The following THSD7B variants were observed in gnomAD, a reference collection of about 807,000 sequenced individuals.
THSD7B encodes thrombospondin type-1 domain-containing protein 7B.
THSD7B carries 138 observed loss-of-function variants against 213.6 expected under a neutral mutation model. The observed-to-expected ratio is 0.65, with a 90% CI of 0.56 to 0.74. The LOEUF (loss-of-function observed/expected upper bound fraction) is 0.74. Among genes scored for constraint, THSD7B ranks in the 30% least tolerant of loss-of-function variants. THSD7B has a pLI of 0.00. For missense variants in THSD7B, 1,931 were observed against 1,991.5 expected (o/e 0.97, Z 0.58); for synonymous variants, 742 against 687.0 (o/e 1.08, Z -1.25).
chr2:136,869,127 A>T lies in THSD7B; in HGVS notation c.-35-13017A>T, dbSNP rs1291703395. Among the ~76,000 whole-genome samples, 3 of 152,180 alleles carry T rather than the reference A, an allele frequency of 2.0e-5. No individual in the cohort carries two copies. The East Asian group carries it at 5.8e-4, about 29-fold the overall frequency. The stretch of plus-strand genomic sequence containing the variant: ...AAAAGTTCTCCACTTGAGTAGATTT[A>T]AAGTATAGGCAATTTAGAACTTCTT... On this transcript the variant is annotated intron_variant, in intron 1 of 27. Transcript: ENST00000409968.
intron 17 of THSD7B, among the ~76,000 whole-genome samples, chr2:137,582,478 A>ATCTC (rs1363241126): frequency 2.1e-4 from 30 of 139,962 alleles, no homozygotes; most frequent in Non-Finnish European, 4.3e-4. Flanking sequence ...TCCTAATACT[A>ATCTC]TCTCTCCTCC....
At chr2:136,782,384 C>A (rs1284887102) in intron 1 of THSD7B, among the ~76,000 whole-genome samples, 1 of 152,156 alleles carries the variant, frequency 6.6e-6, no homozygotes, top group African/African-American at 2.4e-5. Context: ...TTAGCTGTAA[C>A]TAAGCTCTGA....
At chr2:137,636,298 T>C (rs1295604200) in intron 20 of THSD7B, among the ~76,000 whole-genome samples, 8 of 152,212 alleles carry the variant, frequency 5.3e-5, no homozygotes, top group Admixed American at 5.2e-4. Context: ...GGATACAATA[T>C]GGAGTGATCT....
chr2:137,200,352 CA>C (rs1227918043), intron 7 of THSD7B, among the ~76,000 whole-genome samples: 1 of 152,076 alleles, frequency 6.6e-6, no homozygotes, highest in African/African-American at 2.4e-5. Context: ...GCATTATATA[CA>C]TACAATTTAT....
chr2:136,791,381 A>G (rs754595000), intron 1 of THSD7B, among the ~76,000 whole-genome samples: 2 of 152,010 alleles, frequency 1.3e-5, no homozygotes, highest in Non-Finnish European at 2.9e-5. Flanking sequence ...TGTAATTCGC[A>G]TACCAAAGAG....
intron 2 of THSD7B, among the ~76,000 whole-genome samples, chr2:137,055,972 T>A (rs1687154995): frequency 6.6e-6 from 1 of 151,738 alleles, no homozygotes; most frequent in Non-Finnish European, 1.5e-5. Flanking sequence ...TTTATTAAAA[T>A]CCTGGCTTTA....
chr2:137,076,804 A>G (rs926084825), intron 3 of THSD7B, among the ~76,000 whole-genome samples: 5 of 151,898 alleles, frequency 3.3e-5, no homozygotes, highest in African/African-American at 1.2e-4. Context: ...CAGATACAGT[A>G]TATTGTTTAT....
Position 137,556,566 on chromosome 2 carries a change from C to T in THSD7B, c.3139-6655C>T, listed in dbSNP as rs199938323. Among the ~76,000 whole-genome samples, 95 of 152,260 alleles carry T rather than the reference C, an allele frequency of 6.2e-4. No individual in the cohort carries two copies. The East Asian group carries it at 0.016, about 26-fold the overall frequency. On this transcript the variant is annotated intron_variant, in intron 15 of 27. Transcript: ENST00000409968. ...AGCACTAAACATGGAAAGGAACCAG[C>T]GGTACCAGCCACTGCAAAAACATGC...
intron 20 of THSD7B, among the ~76,000 whole-genome samples, chr2:137,637,170 G>T (rs1046648753): frequency 4.6e-5 from 7 of 152,208 alleles, no homozygotes; most frequent in Admixed American, 4.6e-4. Context: ...GGAGATAGCT[G>T]CTTGGTTGAA....
chr2:137,598,099 C>T (rs1269991394), intron 17 of THSD7B, among the ~76,000 whole-genome samples: 1 of 151,990 alleles, frequency 6.6e-6, no homozygotes, highest in African/African-American at 2.4e-5. Context: ...TCTGTCTTTC[C>T]TCTTCACCCC....
chr2:137,065,989 T>G (rs572726342), intron 3 of THSD7B, among the ~76,000 whole-genome samples: 2 of 152,102 alleles, frequency 1.3e-5, no homozygotes, highest in African/African-American at 4.8e-5. Flanking sequence ...TTTCCTTAAT[T>G]CCTTCTCCAA....
intron 12 of THSD7B, among the ~76,000 whole-genome samples, chr2:137,388,651 C>T (rs1685948457): frequency 6.6e-6 from 1 of 152,030 alleles, no homozygotes; most frequent in African/African-American, 2.4e-5. Context: ...TAACCAACCT[C>T]TCTTCATCCT....
chr2:137,180,891 A>C (rs59429865), intron 7 of THSD7B, among the ~76,000 whole-genome samples: 1 of 152,194 alleles, frequency 6.6e-6, no homozygotes, highest in East Asian at 1.9e-4. Flanking sequence ...TCAATGCAGC[A>C]TTAGAGGCAA....
At chr2:137,638,586 G>A (rs922382705) in intron 20 of THSD7B, among the ~76,000 whole-genome samples, 3 of 152,194 alleles carry the variant, frequency 2.0e-5, no homozygotes, top group Non-Finnish European at 4.4e-5. Flanking sequence ...AAATGTGGAA[G>A]CGACTTTGGA....
At chr2:137,224,411 T>C (rs1681450061) in intron 7 of THSD7B, among the ~76,000 whole-genome samples, 2 of 152,162 alleles carry the variant, frequency 1.3e-5, no homozygotes, top group South Asian at 4.1e-4. Context: ...TTTACTTGTG[T>C]TTGTTCCTAC....
intron 15 of THSD7B, among the ~76,000 whole-genome samples, chr2:137,465,203 T>C (rs1450104691): frequency 2.0e-5 from 3 of 150,518 alleles, no homozygotes; most frequent in African/African-American, 7.3e-5. Context: ...GGAGGCAGAG[T>C]AGGGTGGGAC....
chr2:136,960,393 C>T (rs1025230256), intron 2 of THSD7B, among the ~76,000 whole-genome samples: 4 of 152,116 alleles, frequency 2.6e-5, no homozygotes, highest in African/African-American at 9.7e-5. Context: ...CCCACCTTGG[C>T]CGCTTGAAGT....
At chr2:137,161,317 T>C (rs1004793537) in intron 6 of THSD7B, among the ~76,000 whole-genome samples, 3 of 152,176 alleles carry the variant, frequency 2.0e-5, no homozygotes, top group African/African-American at 4.8e-5. Flanking sequence ...AAATATTTCC[T>C]TTACCAAGAG....
intron 2 of THSD7B, among the ~76,000 whole-genome samples, chr2:137,050,211 C>G (rs1223998571): frequency 1.3e-5 from 2 of 152,088 alleles, no homozygotes; most frequent in Admixed American, 6.5e-5. Context: ...GTTTGAGAGT[C>G]TTTTTTTAGG....
Sources: gnomAD v4.1 joint callset for allele counts (sites outside exome capture counted in the v4.1 genomes callset) on GRCh38, gnomAD v4.1.1 for gene constraint, MANE v1.5 for transcripts, NCBI Gene and HGNC (gene_info 2026-07-23, HGNC 2026-07-21) for gene names.